Variants in RAD51B observed in about 807,000 individuals in gnomAD.
The protein encoded by RAD51B is DNA repair protein RAD51 homolog 2.
Under a neutral mutation model 42.2 loss-of-function variants are expected in RAD51B, and 38 were observed. That is an observed-to-expected ratio of 0.90 (90% CI 0.70 to 1.18). The LOEUF (loss-of-function observed/expected upper bound fraction) is 1.18, where lower values mean the gene tolerates loss of function less well. Ranked by LOEUF, RAD51B falls within the 50% of genes most tolerant of loss-of-function variation. RAD51B has a pLI of 0.00. For synonymous variants in RAD51B, 154 were observed against 145.2 expected, an observed-to-expected ratio of 1.06 and a Z score of -0.43; for missense variants, 373 against 400.7, an observed-to-expected ratio of 0.93 and a Z score of 0.59.
At chr14:67,823,089 C>G (rs1341064540) in intron 1 of RAD51B, among the ~76,000 whole-genome samples, 1 of 152,138 alleles carries the variant, frequency 6.6e-6, no homozygotes, top group Non-Finnish European at 1.5e-5. Context: ...GGTAGGTGCT[C>G]CATAAATATA....
intron 9 of RAD51B, among the ~76,000 whole-genome samples, chr14:68,426,341 G>A (rs1446294329): frequency 1.3e-5 from 2 of 151,892 alleles, no homozygotes; most frequent in Admixed American, 6.6e-5. Flanking sequence ...CTCCCAAAGT[G>A]CTGGGATTAC....
chr14:68,675,198 C>T (rs1343765168), intron 11 of RAD51B, among the ~76,000 whole-genome samples: 1 of 152,150 alleles, frequency 6.6e-6, no homozygotes, highest in Admixed American at 6.5e-5. Context: ...GGATGATTAT[C>T]TCAGGGACTA....
chr14:68,598,741 C>T (rs1205972286), downstream of RAD51B, among the ~76,000 whole-genome samples: 4 of 152,188 alleles, frequency 2.6e-5, no homozygotes, highest in Admixed American at 1.3e-4. Flanking sequence ...AAGACGGAGG[C>T]GGGGAGGAGC....
intron 10 of RAD51B, among the ~76,000 whole-genome samples, chr14:68,539,126 T>A (rs1594954605): frequency 6.6e-6 from 1 of 152,310 alleles, no homozygotes; most frequent in East Asian, 1.9e-4. Context: ...GGGAAATCAT[T>A]AAAACAACAG....
Position 68,038,083 on chromosome 14 carries a change from A to ACT in RAD51B, c.756+150879_756+150880insCT, listed in dbSNP as rs549359708. Among the ~76,000 whole-genome samples, 145 of 152,372 alleles carry ACT rather than the reference A, an allele frequency of 9.5e-4. 1 individual carries two copies. Among genetic ancestry groups the ACT allele is most frequent in the African/African-American group, 3.2e-3 (134 of 41,588 alleles). On this transcript the variant is annotated intron_variant, in intron 7 of 10. Coordinates refer to ENST00000471583, the MANE Select transcript of RAD51B (RefSeq NM_133510.4). ...AGACCAGTGTTTGAAAGTCTTTAAA[A>ACT]GTATTATTTGACATCATAAATGACC...
At chr14:68,206,544 C>T (rs2079589461) in intron 7 of RAD51B, among the ~76,000 whole-genome samples, 1 of 152,158 alleles carries the variant, frequency 6.6e-6, no homozygotes, top group East Asian at 1.9e-4. Flanking sequence ...TCCAAACATG[C>T]ATCTCTTACC....
intron 11 of RAD51B, among the ~76,000 whole-genome samples, chr14:68,672,902 C>T (rs1235998780): frequency 6.6e-6 from 1 of 152,166 alleles, no homozygotes; most frequent in African/African-American, 2.4e-5. Context: ...AATACATCCC[C>T]CTGAAGACAG....
At chr14:68,522,370 G>A (rs565372105) in intron 10 of RAD51B, among the ~76,000 whole-genome samples, 1 of 152,286 alleles carries the variant, frequency 6.6e-6, no homozygotes, top group South Asian at 2.1e-4. Flanking sequence ...TCCAGGATGA[G>A]GTTGAAGGCA....
chr14:68,622,862 C>T (rs908775650), intron 10 of RAD51B, among the ~76,000 whole-genome samples: 3 of 152,024 alleles, frequency 2.0e-5, no homozygotes, highest in Non-Finnish European at 4.4e-5. Context: ...CCCCTGAGAT[C>T]CCGCAGGGAG....
chr14:67,901,977 G>A (rs1242788086), intron 7 of RAD51B, among the ~76,000 whole-genome samples: 2 of 152,092 alleles, frequency 1.3e-5, no homozygotes, highest in African/African-American at 4.8e-5. Flanking sequence ...TGGATACCTG[G>A]AAAGTCCTGA....
At chr14:67,823,040 T>A (rs2040685498) in intron 1 of RAD51B, among the ~76,000 whole-genome samples, 1 of 152,186 alleles carries the variant, frequency 6.6e-6, no homozygotes, top group South Asian at 2.1e-4. Flanking sequence ...AGATTAAATG[T>A]GATAATTTAG....
At chr14:67,980,522 G>T (rs758455853) in intron 7 of RAD51B, among the ~76,000 whole-genome samples, 1 of 152,176 alleles carries the variant, frequency 6.6e-6, no homozygotes, top group Non-Finnish European at 1.5e-5. Context: ...AGCAATCAAG[G>T]CAGGGTATTG....
chr14:68,011,114 G>T (rs142803315), intron 7 of RAD51B, among the ~76,000 whole-genome samples: 2 of 151,940 alleles, frequency 1.3e-5, no homozygotes, highest in Non-Finnish European at 2.9e-5. Flanking sequence ...AATTTTTAAT[G>T]ATTGGATTGG....
chr14:68,177,312 CACTT>C (rs2078981018), intron 7 of RAD51B, among the ~76,000 whole-genome samples: 3 of 152,192 alleles, frequency 2.0e-5, no homozygotes, highest in African/African-American at 7.2e-5. Context: ...TGTGTGCATG[CACTT>C]GGGTGTGCAT....
intron 7 of RAD51B, among the ~76,000 whole-genome samples, chr14:68,183,299 A>G (rs907429664): frequency 2.0e-5 from 3 of 152,170 alleles, no homozygotes; most frequent in Non-Finnish European, 4.4e-5. Flanking sequence ...GTAAGTCAAG[A>G]GTCTAAAAGC....
intron 7 of RAD51B, among the ~76,000 whole-genome samples, chr14:67,889,102 T>C (rs748479436): frequency 6.6e-6 from 1 of 152,174 alleles, no homozygotes; most frequent in Non-Finnish European, 1.5e-5. Context: ...AGGTACTGAA[T>C]ATCCCATTTC....
chr14:67,970,390 CAAAGGTTTTGT>C (rs2140248977), intron 7 of RAD51B, among the ~76,000 whole-genome samples: 1 of 152,110 alleles, frequency 6.6e-6, no homozygotes, highest in African/African-American at 2.4e-5. Flanking sequence ...TACATAAAAG[CAAAGGTTTTGT>C]AAGTTGTAGG....
chr14:68,418,338 C>A (rs986217778), intron 9 of RAD51B, among the ~76,000 whole-genome samples: 1 of 152,186 alleles, frequency 6.6e-6, no homozygotes, highest in Non-Finnish European at 1.5e-5. Flanking sequence ...TGAGCTCTGA[C>A]CATCACAGGA....
chr14:67,835,431 A>C (rs961812026), intron 4 of RAD51B, among the ~76,000 whole-genome samples: 1 of 152,110 alleles, frequency 6.6e-6, no homozygotes, highest in African/African-American at 2.4e-5. Flanking sequence ...TGTTTCATTG[A>C]GTTAACTTAG....
Sources: allele counts gnomAD v4.1 joint callset (sites outside exome capture counted in the v4.1 genomes callset), GRCh38; gene constraint gnomAD v4.1.1; transcripts MANE v1.5; gene names NCBI Gene and HGNC (gene_info 2026-07-23, HGNC 2026-07-21).